GALNT17: variants seen among roughly 807,000 people sequenced by gnomAD.
GALNT17 encodes the protein polypeptide N-acetylgalactosaminyltransferase 17.
A neutral mutation model predicts 63.7 loss-of-function variants in GALNT17; 29 were observed. The observed-to-expected ratio is 0.46, with a 90% CI of 0.34 to 0.62. GALNT17 has a LOEUF of 0.62. Ranked by LOEUF, GALNT17 falls within the 20% of genes least tolerant of loss-of-function variation. The probability of loss-of-function intolerance (pLI) is 0.01; values close to 1 mark genes in which losing one functional copy is unlikely to be tolerated. For synonymous variants in GALNT17, 305 were observed against 318.3 expected, an observed-to-expected ratio of 0.96 and a Z score of 0.45; for missense variants, 603 against 799.6, an observed-to-expected ratio of 0.75 and a Z score of 2.97.
At chr7:71,707,169 AATTT>A in intron 9 of GALNT17, among the ~76,000 whole-genome samples, 1 of 152,036 alleles carries the variant, frequency 6.6e-6, no homozygotes, top group East Asian at 1.9e-4. Context: ...ATTTTTTTTT[AATTT>A]ATTAGGCAAC....
chr7:71,687,605 C>G (rs1283061756), intron 9 of GALNT17, among the ~76,000 whole-genome samples: 1 of 152,174 alleles, frequency 6.6e-6, no homozygotes, highest in South Asian at 2.1e-4. Context: ...AAGAAGCAAA[C>G]TTGATCATCC....
intron 1 of GALNT17, among the ~76,000 whole-genome samples, chr7:71,194,379 T>C (rs1789007855): frequency 6.6e-6 from 1 of 152,162 alleles, no homozygotes; most frequent in Admixed American, 6.6e-5. Flanking sequence ...CACATTTTTT[T>C]CCCTACCTGG....
chr7:71,592,836 T>A (rs1789829923), intron 6 of GALNT17, among the ~76,000 whole-genome samples: 1 of 152,160 alleles, frequency 6.6e-6, no homozygotes, highest in Admixed American at 6.5e-5. Flanking sequence ...CCATCATTAT[T>A]GTGGAAGCTC....
At chr7:71,158,447 TGCAGTG>T (rs1202771328) in intron 1 of GALNT17, among the ~76,000 whole-genome samples, 1 of 151,620 alleles carries the variant, frequency 6.6e-6, no homozygotes, top group East Asian at 1.9e-4. Context: ...CAGGCTGGAG[TGCAGTG>T]GCGTGATCTT....
chr7:71,266,690 A>G (rs1790498180), intron 1 of GALNT17, among the ~76,000 whole-genome samples: 1 of 152,100 alleles, frequency 6.6e-6, no homozygotes, highest in African/African-American at 2.4e-5. Flanking sequence ...GTGGATATCT[A>G]TAGGGGGTCA....
intron 1 of GALNT17, among the ~76,000 whole-genome samples, chr7:71,211,790 C>A (rs565008146): frequency 6.6e-6 from 1 of 152,030 alleles, no homozygotes; most frequent in East Asian, 1.9e-4. Context: ...AACATTTTGC[C>A]CCTGCCCTCA....
intron 5 of GALNT17, among the ~76,000 whole-genome samples, chr7:71,511,743 G>A (rs1023018590): frequency 6.6e-6 from 1 of 152,138 alleles, no homozygotes; most frequent in Non-Finnish European, 1.5e-5. Context: ...TAGTTGGGCA[G>A]TGCACAACCT....
chr7:71,459,438 A>G (rs1318804437), intron 5 of GALNT17, among the ~76,000 whole-genome samples: 1 of 152,228 alleles, frequency 6.6e-6, no homozygotes, highest in Admixed American at 6.5e-5. Flanking sequence ...TTTACTATGT[A>G]TGGAGAAAAT....
intron 2 of GALNT17, among the ~76,000 whole-genome samples, chr7:71,342,687 C>CA (rs1490484939): frequency 6.6e-6 from 1 of 152,090 alleles, no homozygotes; most frequent in Non-Finnish European, 1.5e-5. Context: ...AAGGAGGAGG[C>CA]AAAATGTGTA....
intron 1 of GALNT17, among the ~76,000 whole-genome samples, chr7:71,249,724 C>A (rs777334637): frequency 1.3e-5 from 2 of 152,114 alleles, no homozygotes; most frequent in Non-Finnish European, 2.9e-5. Context: ...GGTTTCAATA[C>A]TGGAAAAGAT....
intron 4 of GALNT17, among the ~76,000 whole-genome samples, chr7:71,417,980 G>A (rs1024901145): frequency 6.6e-6 from 1 of 152,116 alleles, no homozygotes; most frequent in African/African-American, 2.4e-5. Context: ...AACCAATGCG[G>A]TCACTGCTGG....
chr7:71,618,458 C>T (rs935305930), intron 6 of GALNT17, among the ~76,000 whole-genome samples: 10 of 152,098 alleles, frequency 6.6e-5, no homozygotes, highest in Non-Finnish European at 8.8e-5. Flanking sequence ...CCTTTTCTCC[C>T]GTGCCATGCC....
chr7:71,315,491 C>G (rs1791483916), intron 1 of GALNT17, among the ~76,000 whole-genome samples: 1 of 152,194 alleles, frequency 6.6e-6, no homozygotes, highest in Non-Finnish European at 1.5e-5. Flanking sequence ...TTCCCATCAA[C>G]AATGTACAAG....
intron 5 of GALNT17, among the ~76,000 whole-genome samples, chr7:71,472,413 G>A (rs1292781335): frequency 6.6e-6 from 1 of 152,194 alleles, no homozygotes; most frequent in African/African-American, 2.4e-5. Flanking sequence ...TTAGGGCTGG[G>A]CGCGGTGGCT....
intron 6 of GALNT17, among the ~76,000 whole-genome samples, chr7:71,638,771 C>T (rs917432776): frequency 7.9e-5 from 12 of 152,092 alleles, no homozygotes; most frequent in Admixed American, 5.2e-4. Context: ...ATACTGCGAT[C>T]CATGACGTTA....
intron 2 of GALNT17, among the ~76,000 whole-genome samples, chr7:71,342,434 C>T (rs1232357529): frequency 6.6e-6 from 1 of 152,178 alleles, no homozygotes; most frequent in Non-Finnish European, 1.5e-5. Flanking sequence ...ACCTCCCACA[C>T]TGGGAATTAC....
rs560412699 is a variant in GALNT17 at position 71,693,165 on chromosome 7, A to ATATAC, written c.1500+15864_1500+15868dup. Among the ~76,000 whole-genome samples, 452 of 150,172 alleles carry ATATAC rather than the reference A, an allele frequency of 3.0e-3. 3 individuals are homozygous for ATATAC. The highest frequency in any genetic ancestry group is 9.9e-3 in the East Asian group (50 of 5,076). ...TAAGTATATAAGTATATATTTAAGTATATACTATAATATAAATAGTGTGTG... is the reference window on the plus strand; with the variant it reads ...TAAGTATATAAGTATATATTTAAGTATATACTATACTATAATATAAATAGTGTGTG... On this transcript the variant is annotated intron_variant, in intron 9 of 10. Coordinates refer to ENST00000333538, the MANE Select transcript of GALNT17 (RefSeq NM_022479.3).
chr7:71,614,212 T>C (rs1234002931), intron 6 of GALNT17, among the ~76,000 whole-genome samples: 1 of 152,058 alleles, frequency 6.6e-6, no homozygotes, highest in Non-Finnish European at 1.5e-5. Context: ...CAAGAAGTCA[T>C]AGGGAGCAGG....
intron 5 of GALNT17, among the ~76,000 whole-genome samples, chr7:71,511,062 G>A (rs1408531714): frequency 1.3e-5 from 2 of 152,012 alleles, no homozygotes; most frequent in Admixed American, 1.3e-4. Context: ...CACACCTGTA[G>A]TCCCAGCTAC....
Sources: gnomAD v4.1 joint callset for allele counts (sites outside exome capture counted in the v4.1 genomes callset) on GRCh38, gnomAD v4.1.1 for gene constraint, MANE v1.5 for transcripts, NCBI Gene and HGNC (gene_info 2026-07-23, HGNC 2026-07-21) for gene names.